Variants in RALYL observed in about 807,000 individuals in gnomAD.
The protein encoded by RALYL is RALY RNA binding protein like.
RALYL carries 29 observed loss-of-function variants against 35.1 expected under a neutral mutation model. The observed-to-expected ratio is 0.83, with a 90% CI of 0.61 to 1.13. The LOEUF (loss-of-function observed/expected upper bound fraction) is 1.13, where lower values mean the gene tolerates loss of function less well. Ranked by LOEUF, RALYL falls within the 50% of genes most tolerant of loss-of-function variation. The pLI, the probability that RALYL is intolerant of heterozygous loss-of-function variation, is 0.00. For missense variants in RALYL, 359 were observed against 360.4 expected, an observed-to-expected ratio of 1.00 and a Z score of 0.03; for synonymous variants, 120 against 127.6, an observed-to-expected ratio of 0.94 and a Z score of 0.40.
chr8:84,365,418 A>G (rs938245075), intron 1 of RALYL, among the ~76,000 whole-genome samples: 1 of 152,212 alleles, frequency 6.6e-6, no homozygotes, highest in Non-Finnish European at 1.5e-5. Flanking sequence ...TTGCAAAACT[A>G]ATGTTGGCCA....
Position 84,788,716 on chromosome 8 carries a change from G to A in RALYL, c.332+14062G>A, listed in dbSNP as rs970519846. Among the ~76,000 whole-genome samples the A allele has an allele frequency of 7.2e-5, 11 of 152,310 alleles. No homozygotes were observed. In the South Asian group the frequency reaches 2.3e-3, roughly 32 times the overall value. ...GTGTGGAGGCATAGTTCCTACTAGA[G>A]CTAACTGCAGGAAGTGGCCTATCAG... On this transcript the variant is annotated intron_variant, in intron 3 of 8. Transcript: ENST00000521268.
chr8:84,547,368 T>A (rs376180812), intron 2 of RALYL, among the ~76,000 whole-genome samples: 1 of 151,852 alleles, frequency 6.6e-6, no homozygotes, highest in Non-Finnish European at 1.5e-5. Context: ...TTTTTCTTTC[T>A]TTTTACTTAT....
chr8:84,306,557 C>A (rs1407367657), intron 1 of RALYL, among the ~76,000 whole-genome samples: 1 of 152,082 alleles, frequency 6.6e-6, no homozygotes, highest in Non-Finnish European at 1.5e-5. Flanking sequence ...CAGGAAAGTG[C>A]CTGGGACAAG....
chr8:84,839,494 C>T (rs900705147), intron 4 of RALYL, among the ~76,000 whole-genome samples: 1 of 152,234 alleles, frequency 6.6e-6, no homozygotes, highest in South Asian at 2.1e-4. Context: ...GTGGAGCCCA[C>T]CACAGCTCAA....
intron 1 of RALYL, among the ~76,000 whole-genome samples, chr8:84,452,234 T>C (rs1331949232): frequency 4.8e-5 from 3 of 62,552 alleles, no homozygotes; most frequent in African/African-American, 1.4e-4. Context: ...TTGATACTAC[T>C]TTTTTTTTTT....
At chr8:84,881,007 CATT>C (rs2135355117) in intron 7 of RALYL, among the ~76,000 whole-genome samples, 1 of 151,886 alleles carries the variant, frequency 6.6e-6, no homozygotes, top group Admixed American at 6.6e-5. Context: ...CTACTAAAAC[CATT>C]ATTAGATTTA....
intron 2 of RALYL, among the ~76,000 whole-genome samples, chr8:84,650,190 A>G (rs1166744748): frequency 1.3e-5 from 2 of 152,014 alleles, no homozygotes; most frequent in African/African-American, 2.4e-5. Context: ...GGCTGAGACA[A>G]TGGGGTTTTC....
At chr8:84,198,961 G>A (rs1254071622) in intron 1 of RALYL, among the ~76,000 whole-genome samples, 3 of 152,180 alleles carry the variant, frequency 2.0e-5, no homozygotes, top group Non-Finnish European at 2.9e-5. Flanking sequence ...ACATAGGAGT[G>A]CAGCTATCTC....
At chr8:84,692,030 C>T (rs1171942986) in intron 2 of RALYL, among the ~76,000 whole-genome samples, 1 of 151,852 alleles carries the variant, frequency 6.6e-6, no homozygotes, top group Non-Finnish European at 1.5e-5. Context: ...AATATCCAAT[C>T]ATGATTTTTA....
At chr8:84,369,930 C>G (rs770018618) in intron 1 of RALYL, among the ~76,000 whole-genome samples, 1 of 151,984 alleles carries the variant, frequency 6.6e-6, no homozygotes, top group Admixed American at 6.6e-5. Flanking sequence ...TCAAAACAGA[C>G]GGATTAGAGA....
At chr8:84,680,170 G>A (rs552455344) in intron 2 of RALYL, among the ~76,000 whole-genome samples, 1 of 152,124 alleles carries the variant, frequency 6.6e-6, no homozygotes, top group Admixed American at 6.5e-5. Flanking sequence ...TCCCTACAAA[G>A]GTCATGAACT....
At chr8:84,387,551 T>A (rs1010270801) in intron 1 of RALYL, among the ~76,000 whole-genome samples, 1 of 151,918 alleles carries the variant, frequency 6.6e-6, no homozygotes, top group Non-Finnish European at 1.5e-5. Context: ...TTGTTGACTG[T>A]ATTTTTTAAG....
chr8:84,389,777 T>C (rs1586792351), intron 1 of RALYL, among the ~76,000 whole-genome samples: 2 of 150,182 alleles, frequency 1.3e-5, no homozygotes, highest in East Asian at 3.9e-4. Context: ...TATACAATCA[T>C]GTCGTCTGCA....
At chr8:84,738,167 C>A (rs1315786907) in intron 2 of RALYL, among the ~76,000 whole-genome samples, 4 of 151,910 alleles carry the variant, frequency 2.6e-5, no homozygotes, top group African/African-American at 9.7e-5. Flanking sequence ...CCATCTAAAT[C>A]ACATAGTATA....
intron 2 of RALYL, among the ~76,000 whole-genome samples, chr8:84,579,140 C>G (rs887501321): frequency 2.0e-5 from 3 of 152,212 alleles, no homozygotes; most frequent in Admixed American, 1.3e-4. Flanking sequence ...CTAGGCCTCC[C>G]TCCCATGATT....
At chr8:84,330,427 A>T (rs1846602530) in intron 1 of RALYL, among the ~76,000 whole-genome samples, 1 of 151,982 alleles carries the variant, frequency 6.6e-6, no homozygotes, top group African/African-American at 2.4e-5. Flanking sequence ...ATTCATGCAT[A>T]AATTTGCTCA....
intron 1 of RALYL, among the ~76,000 whole-genome samples, chr8:84,225,973 G>A (rs558624735): frequency 6.6e-6 from 1 of 152,324 alleles, no homozygotes; most frequent in East Asian, 1.9e-4. Context: ...AATAGAAGGA[G>A]TGGAGCAGCT....
chr8:84,715,185 T>G lies in RALYL; in HGVS notation c.257-59394T>G, dbSNP rs149966536. Reference sequence around the variant, plus strand: ...GAGTAGTTCTAAATGAATTGGGTAATGATAATAAAATTGACAAATATATTG... The same window carrying G: ...GAGTAGTTCTAAATGAATTGGGTAAGGATAATAAAATTGACAAATATATTG... On this transcript the variant is annotated intron_variant, in intron 2 of 8. Coordinates refer to ENST00000521268, the MANE Select transcript of RALYL (RefSeq NM_173848.7). 5.1e-4 allele frequency among the ~76,000 whole-genome samples: 77 copies of G among 152,030 alleles called. 1 individual carries two copies. The East Asian group carries it at 0.015, about 29-fold the overall frequency.
intron 2 of RALYL, among the ~76,000 whole-genome samples, chr8:84,546,333 T>C (rs1254429428): frequency 6.6e-6 from 1 of 152,132 alleles, no homozygotes; most frequent in Non-Finnish European, 1.5e-5. Flanking sequence ...TTGCCCATGC[T>C]GGTCTCAAAC....
Sources: allele counts gnomAD v4.1 joint callset (sites outside exome capture counted in the v4.1 genomes callset), GRCh38; gene constraint gnomAD v4.1.1; transcripts MANE v1.5; gene names NCBI Gene and HGNC (gene_info 2026-07-23, HGNC 2026-07-21).